The following DPP6 variants were observed in gnomAD, a reference collection of about 807,000 sequenced individuals.
DPP6 encodes A-type potassium channel modulatory protein DPP6.
DPP6 carries 69 observed loss-of-function variants against 122.6 expected under a neutral mutation model. The ratio of observed to expected loss-of-function variants is 0.56; its 90% confidence interval spans 0.46 to 0.69. The LOEUF (loss-of-function observed/expected upper bound fraction) is 0.69, where lower values mean the gene tolerates loss of function less well. Ranked by LOEUF, DPP6 falls within the 30% of genes least tolerant of loss-of-function variation. The pLI, the probability that DPP6 is intolerant of heterozygous loss-of-function variation, is 0.00. For synonymous variants in DPP6, 418 were observed against 433.1 expected (o/e 0.97, Z 0.43); for missense variants, 928 against 1,116.9 (o/e 0.83, Z 2.41).
intron 3 of DPP6, among the ~76,000 whole-genome samples, chr7:154,538,809 G>C (rs1403688126): frequency 1.3e-5 from 2 of 152,220 alleles, no homozygotes; most frequent in South Asian, 4.1e-4. Flanking sequence ...TCATTCAATA[G>C]ATGCACCTTG....
chr7:153,920,859 C>G (rs1267862385), intron 1 of DPP6, among the ~76,000 whole-genome samples: 1 of 151,884 alleles, frequency 6.6e-6, no homozygotes, highest in African/African-American at 2.4e-5. Context: ...GCGCCTGGCC[C>G]TTTCTTACAC....
chr7:154,796,961 T>C (rs1305981250), intron 12 of DPP6, among the ~76,000 whole-genome samples: 3 of 152,158 alleles, frequency 2.0e-5, no homozygotes, highest in Non-Finnish European at 4.4e-5. Context: ...GGGTGCCAAG[T>C]CCAAGCCAAG....
the DPP6 span, among the ~76,000 whole-genome samples, chr7:153,858,839 T>C: frequency 1.3e-5 from 2 of 152,218 alleles, no homozygotes; most frequent in Admixed American, 6.5e-5. Flanking sequence ...ATGGAGGCAG[T>C]ATATAATTAT....
intron 1 of DPP6, among the ~76,000 whole-genome samples, chr7:154,336,190 C>T (rs1809402601): frequency 6.6e-6 from 1 of 152,142 alleles, no homozygotes. Flanking sequence ...CTGCAATCAG[C>T]ATGCCCACAT....
intron 1 of DPP6, among the ~76,000 whole-genome samples, chr7:154,291,318 G>A (rs547472675): frequency 1.3e-5 from 2 of 152,282 alleles, no homozygotes; most frequent in South Asian, 4.1e-4. Context: ...TGCAAAAAGG[G>A]AAGTTGCATT....
chr7:154,280,843 C>G lies in DPP6; in HGVS notation c.244-165371C>G, dbSNP rs138520367. 1.1e-3 allele frequency among the ~76,000 whole-genome samples: 175 copies of G among 152,208 alleles called. 1 individual carries two copies. The highest frequency in any genetic ancestry group is 4.0e-3 in the African/African-American group (167 of 41,498). ...TGAAAATATTAACATATGCAATTAT[C>G]GTAGCCATCCCACGAGGTAACCATT... On this transcript the variant is annotated intron_variant, in intron 1 of 25. Coordinates refer to ENST00000377770, the MANE Select transcript of DPP6 (RefSeq NM_130797.4).
chr7:154,839,920 T>G (rs958050162), intron 16 of DPP6, among the ~76,000 whole-genome samples: 1 of 152,074 alleles, frequency 6.6e-6, no homozygotes, highest in African/African-American at 2.4e-5. Flanking sequence ...CAACTCTTTG[T>G]AAACCCTCGG....
intron 1 of DPP6, among the ~76,000 whole-genome samples, chr7:154,285,674 G>A (rs1053809539): frequency 6.6e-6 from 1 of 152,188 alleles, no homozygotes; most frequent in Non-Finnish European, 1.5e-5. Flanking sequence ...GGCCACCTAA[G>A]GAAATTTATA....
At chr7:154,297,329 A>G (rs1448227555) in intron 1 of DPP6, among the ~76,000 whole-genome samples, 2 of 152,194 alleles carry the variant, frequency 1.3e-5, no homozygotes, top group Admixed American at 1.3e-4. Flanking sequence ...TAGACAGTCT[A>G]TAAGTAAATG....
chr7:154,204,445 C>T lies in DPP6; in HGVS notation c.243+151382C>T, dbSNP rs1799328776. 2.6e-5 allele frequency among the ~76,000 whole-genome samples: 4 copies of T among 152,288 alleles called. No individual in the cohort carries two copies. In the East Asian group the frequency reaches 5.8e-4, roughly 22 times the overall value. On this transcript the variant is annotated intron_variant, in intron 1 of 25. Coordinates refer to ENST00000377770, the MANE Select transcript of DPP6 (RefSeq NM_130797.4). ...ATAGCATAGAATGAGAAGCCATTCACCCTTGTGTAGAGTGATGCTGGGAAG... is the reference window on the plus strand; with the variant it reads ...ATAGCATAGAATGAGAAGCCATTCATCCTTGTGTAGAGTGATGCTGGGAAG...
the DPP6 span, among the ~76,000 whole-genome samples, chr7:153,823,150 C>T: frequency 0.065 from 9,893 of 151,774 alleles, 354 homozygotes; most frequent in Non-Finnish European, 0.082. Flanking sequence ...CCTTCTTCCT[C>T]AAAAGCCTTC....
intron 1 of DPP6, among the ~76,000 whole-genome samples, chr7:154,109,643 C>T (rs1806426201): frequency 6.6e-6 from 1 of 152,214 alleles, no homozygotes; most frequent in Admixed American, 6.5e-5. Context: ...TAAAAAGCTG[C>T]TCACAAATAT....
rs183145871 is a variant in DPP6, at chr7:154,540,122, C to T, written c.458-410C>T. ...GGGGAGCTCGTGGAGCAGATGAAAG[C>T]ATGTTTTGCAGGATGTGGCTATGGG... is the stretch of plus-strand genomic sequence containing the variant. On this transcript the variant is annotated intron_variant, in intron 3 of 25. Coordinates refer to ENST00000377770, the MANE Select transcript of DPP6 (RefSeq NM_130797.4). Among the ~76,000 whole-genome samples, 45 of 152,312 alleles carry T rather than the reference C, an allele frequency of 3.0e-4. No individual in the cohort carries two copies. The East Asian group carries it at 6.4e-3, about 22-fold the overall frequency.
At chr7:153,764,696 T>A in the DPP6 span, among the ~76,000 whole-genome samples, 13 of 151,536 alleles carry the variant, frequency 8.6e-5, no homozygotes, top group African/African-American at 3.1e-4. Flanking sequence ...ATCCTCACAC[T>A]TCCTGTCTTT....
At chr7:153,799,389 G>T in the DPP6 span, among the ~76,000 whole-genome samples, 1 of 152,144 alleles carries the variant, frequency 6.6e-6, no homozygotes, top group African/African-American at 2.4e-5. Context: ...TTTTTGAGCT[G>T]AGTGGCTCCT....
chr7:154,330,966 C>T (rs954329369), intron 1 of DPP6, among the ~76,000 whole-genome samples: 4 of 152,284 alleles, frequency 2.6e-5, no homozygotes, highest in Admixed American at 6.5e-5. Context: ...TCCCTCAAGA[C>T]AATGAGAAGC....
chr7:154,348,216 A>T (rs2151074227), intron 1 of DPP6, among the ~76,000 whole-genome samples: 1 of 152,250 alleles, frequency 6.6e-6, no homozygotes, highest in African/African-American at 2.4e-5. Context: ...AAATATACTT[A>T]TATTAATTTT....
chr7:153,758,239 A>T, the DPP6 span, among the ~76,000 whole-genome samples: 95 of 152,316 alleles, frequency 6.2e-4, no homozygotes, highest in African/African-American at 2.2e-3. Context: ...TAAAGTTATA[A>T]ATTATTGAAG....
At chr7:154,614,086 A>G (rs1053779151) in intron 5 of DPP6, among the ~76,000 whole-genome samples, 4 of 152,096 alleles carry the variant, frequency 2.6e-5, no homozygotes, top group African/African-American at 9.7e-5. Context: ...TTGCCCATCC[A>G]CAGCTGTCTT....
Sources: gnomAD v4.1 joint callset for allele counts (sites outside exome capture counted in the v4.1 genomes callset) on GRCh38, gnomAD v4.1.1 for gene constraint, MANE v1.5 for transcripts, NCBI Gene and HGNC (gene_info 2026-07-23, HGNC 2026-07-21) for gene names.